Variants in CCDC171 observed in about 807,000 individuals in gnomAD.
CCDC171 encodes coiled-coil domain containing 171, also known as coiled-coil domain-containing protein 171.
CCDC171 carries 177 observed loss-of-function variants against 168.2 expected under a neutral mutation model. The ratio of observed to expected loss-of-function variants is 1.05; its 90% CI spans 0.93 to 1.19. The LOEUF is 1.19. Among genes scored for constraint, CCDC171 ranks in the 50% most tolerant of loss-of-function variants. The pLI, the probability that CCDC171 is intolerant of heterozygous loss-of-function variation, is 0.00. For missense variants in CCDC171, 1,991 were observed against 1,539.0 expected (o/e 1.29, Z -4.91); for synonymous variants, 687 against 540.8 (o/e 1.27, Z -3.75).
At chr9:16,066,460 C>CTTT (rs112524958), downstream of CCDC171, among the ~76,000 whole-genome samples, 43 of 144,784 alleles carry the variant, frequency 3.0e-4, no homozygotes, top group African/African-American at 8.6e-4. Flanking sequence ...TTTTTCTTTT[C>CTTT]TTTTTTTTTT....
chr9:16,017,495 A>G (rs1459517803), intron 3 of CCDC171, among the ~76,000 whole-genome samples: 1 of 152,162 alleles, frequency 6.6e-6, no homozygotes, highest in East Asian at 1.9e-4. Flanking sequence ...CTTTTAAAAT[A>G]TATTTTAAAG....
intron 11 of CCDC171, among the ~76,000 whole-genome samples, chr9:15,715,980 A>G (rs1187548924): frequency 6.6e-6 from 1 of 152,218 alleles, no homozygotes; most frequent in Non-Finnish European, 1.5e-5. Flanking sequence ...GTTGAAACCT[A>G]CTTAAAAGTG....
chr9:15,649,566 A>G (rs2047335729), intron 7 of CCDC171, among the ~76,000 whole-genome samples: 1 of 152,102 alleles, frequency 6.6e-6, no homozygotes, highest in African/African-American at 2.4e-5. Context: ...AAAACAAACA[A>G]CCCCATCCAA....
At chr9:15,724,476 C>T (rs1429557390) in intron 13 of CCDC171, among the ~76,000 whole-genome samples, 2 of 151,868 alleles carry the variant, frequency 1.3e-5, no homozygotes, top group South Asian at 2.1e-4. Flanking sequence ...TGAACTACAA[C>T]GTTGTTTTAA....
chr9:15,702,186 A>G (rs1347042281), intron 11 of CCDC171, among the ~76,000 whole-genome samples: 2 of 152,124 alleles, frequency 1.3e-5, no homozygotes, highest in East Asian at 1.9e-4. Context: ...TAAAATATTC[A>G]GTTAAACATT....
At chr9:15,586,058 AT>A (rs2041534891) in intron 4 of CCDC171, among the ~76,000 whole-genome samples, 1 of 152,228 alleles carries the variant, frequency 6.6e-6, no homozygotes, top group Admixed American at 6.5e-5. Context: ...CTGTAAAAAA[AT>A]AAAACTATAT....
chr9:16,000,565 A>C lies in CCDC171; in HGVS notation n.369-20024A>C, dbSNP rs117001039. 3.5e-4 allele frequency among the ~76,000 whole-genome samples: 53 copies of C among 152,302 alleles called. No homozygotes were observed. In the East Asian group the frequency reaches 9.9e-3, roughly 28 times the overall value. The stretch of plus-strand genomic sequence containing the variant: ...TGCAGAGAATTGAGGAGAGGGAAAA[A>C]GATATGAAATATTCATCCTCAGATA... On this transcript the variant is annotated intron_variant and non_coding_transcript_variant, in intron 3 of 9. Transcript: ENST00000486641.
At chr9:15,710,311 C>A (rs2134011401) in intron 11 of CCDC171, among the ~76,000 whole-genome samples, 1 of 152,086 alleles carries the variant, frequency 6.6e-6, no homozygotes, top group South Asian at 2.1e-4. Flanking sequence ...CTCTCTCTCT[C>A]TCTCTTTCTT....
chr9:15,823,683 C>A (rs1588698266), intron 21 of CCDC171, among the ~76,000 whole-genome samples: 1 of 152,068 alleles, frequency 6.6e-6, no homozygotes, highest in African/African-American at 2.4e-5. Flanking sequence ...GCATGAAAGG[C>A]TTGATTCCCT....
chr9:15,824,367 T>C (rs1024713881), intron 21 of CCDC171, among the ~76,000 whole-genome samples: 1 of 152,046 alleles, frequency 6.6e-6, no homozygotes, highest in Non-Finnish European at 1.5e-5. Context: ...TATATGTGTA[T>C]ATATATGTCT....
chr9:15,831,128 C>T (rs2136235386), intron 21 of CCDC171, among the ~76,000 whole-genome samples: 1 of 151,968 alleles, frequency 6.6e-6, no homozygotes, highest in East Asian at 1.9e-4. Context: ...CACCACCATG[C>T]CCGGCTAATT....
chr9:15,909,563 C>A (rs1589091333), intron 24 of CCDC171, among the ~76,000 whole-genome samples: 2 of 152,272 alleles, frequency 1.3e-5, no homozygotes, highest in East Asian at 3.9e-4. Flanking sequence ...AACCAAACAT[C>A]AAACTAGAGT....
intron 18 of CCDC171, among the ~76,000 whole-genome samples, chr9:15,773,477 G>T (rs1373800331): frequency 6.6e-6 from 1 of 151,798 alleles, no homozygotes; most frequent in Non-Finnish European, 1.5e-5. Flanking sequence ...CCCTTCTATT[G>T]GAAAAAGTAA....
intron 4 of CCDC171, among the ~76,000 whole-genome samples, chr9:15,590,808 T>C (rs2041943756): frequency 6.7e-6 from 1 of 150,042 alleles, no homozygotes; most frequent in African/African-American, 2.5e-5. Context: ...TTTCTTTCTT[T>C]CTTTCTTTCT....
rs1013122593 is a variant in CCDC171, at chr9:15,778,896, A to G, written c.2899-72A>G. 4.6e-6 allele frequency: 5 copies of G among 1,075,454 alleles called. No homozygotes were observed. In the East Asian group the frequency reaches 1.4e-4, roughly 31 times the overall value. 66.6% of individuals were successfully genotyped at this position (1,075,454 alleles called of 1,614,324 possible). On this transcript the variant is annotated intron_variant, in intron 19 of 25. Coordinates refer to ENST00000380701, the MANE Select transcript of CCDC171 (RefSeq NM_173550.4). Reference sequence around the variant, plus strand: ...GGATAATCTAAGTTACATTTAATTTAGTAAAATGGTTATTGCTATTGTTAG... The same window carrying G: ...GGATAATCTAAGTTACATTTAATTTGGTAAAATGGTTATTGCTATTGTTAG...
chr9:15,955,252 A>C (rs190565739), intron 25 of CCDC171, among the ~76,000 whole-genome samples: 1 of 152,214 alleles, frequency 6.6e-6, no homozygotes, highest in Admixed American at 6.5e-5. Flanking sequence ...TTTAAATCTT[A>C]GTTCTTAATG....
intron 1 of CCDC171, among the ~76,000 whole-genome samples, chr9:15,554,098 C>T (rs931004173): frequency 6.6e-6 from 1 of 151,454 alleles, no homozygotes. Context: ...CGGCTCACTG[C>T]AAGCTCCGCC....
the CCDC171 span, among the ~76,000 whole-genome samples, chr9:16,073,696 C>T: frequency 6.6e-6 from 1 of 152,186 alleles, no homozygotes; most frequent in Non-Finnish European, 1.5e-5. Context: ...CACCAAATCG[C>T]GATCTGGCAG....
rs1211956694 is a variant in CCDC171, at chr9:15,723,702, G to C, written c.1447G>C (p.Asp483His). The C allele has an allele frequency of 6.3e-7, 1 of 1,592,244 alleles. No homozygotes were observed. The highest frequency in any genetic ancestry group is 1.3e-5 in the African/African-American group (1 of 74,156). Residue 483 changes from aspartate (D) to histidine (H), a missense_variant, in exon 13 of 26, where the codon GAT becomes CAT. Coordinates refer to ENST00000380701, the MANE Select transcript of CCDC171 (RefSeq NM_173550.4). ...SNEEKACNEL[D>H]STKQKIDSHT... ...TAAGGAAAAGGCATGTAATGAACTT[G>C]ATTCTACGAAACAGAAGATAGACTC...
Sources: allele counts gnomAD v4.1 joint callset (sites outside exome capture counted in the v4.1 genomes callset), GRCh38; gene constraint gnomAD v4.1.1; transcripts MANE v1.5; gene names NCBI Gene and HGNC (gene_info 2026-07-23, HGNC 2026-07-21).